E2F4: variants seen among roughly 807,000 people sequenced by gnomAD.
The protein encoded by E2F4 is E2F transcription factor 4.
In E2F4, 16 loss-of-function variants were observed where a neutral mutation model predicts 44.5. The observed-to-expected ratio is 0.36, with a 90% CI of 0.24 to 0.55. The LOEUF (loss-of-function observed/expected upper bound fraction) is 0.55, where lower values mean the gene tolerates loss of function less well. E2F4 is among the 20% of genes least tolerant of loss of function. The probability of loss-of-function intolerance (pLI) is 0.87; values close to 1 mark genes in which losing one functional copy is unlikely to be tolerated. For synonymous variants in E2F4, 242 were observed against 207.2 expected (o/e 1.17, Z -1.44); for missense variants, 473 against 522.1 (o/e 0.91, Z 0.92).
rs1246767408 is a variant in E2F4, at chr16:67,198,553, C to T, written c.*430C>T. On this transcript the variant is annotated 3_prime_UTR_variant, in exon 10 of 10. Transcript: ENST00000379378. ...CACATGCCAGCACCACTTCTAGCTT[C>T]CTTCGCTATCCCCCACCCCCTGACC... The T allele has an allele frequency of 5.1e-6, 1 of 194,726 alleles. No individual in the cohort carries two copies. Among genetic ancestry groups the T allele is most frequent in the African/African-American group, 2.3e-5 (1 of 42,614 alleles). 12.1% of individuals were successfully genotyped at this position (194,726 alleles called of 1,614,324 possible). A position where few individuals can be genotyped will look rare whatever the true frequency, so the allele number is the denominator to read the frequency against.
In E2F4 at chr16:67,195,935, G is replaced by A. The variant is rs192173988; in HGVS notation, c.962G>A (p.Ser321Asn). The part of the protein sequence containing the change: ...SSSSSSSSSN[S>N]NSSSSSGPNP... ...AGCAGCAGCAGCAGCAGCAGCAACA[G>A]TAACAGCAGCAGTTCGTCCGGACCC... The change falls in exon 7 of 10, where the codon AGT becomes AAT. Residue 321 changes from serine (S) to asparagine (N), a missense_variant. Physicochemically the swap from Ser to Asn is conservative, Grantham distance 46. Coordinates refer to ENST00000379378, the MANE Select transcript of E2F4 (RefSeq NM_001950.4). The A allele has an allele frequency of 3.1e-6, 5 of 1,613,610 alleles. No individual in the cohort carries two copies. The East Asian group carries it at 1.1e-4, about 36-fold the overall frequency.
At chr16:67,197,312 CAG>C (rs367732752) in intron 7 of E2F4, among the ~76,000 whole-genome samples, 16 of 152,252 alleles carry the variant, frequency 1.1e-4, no homozygotes, top group African/African-American at 1.4e-4. Flanking sequence ...TTCTGTCAGA[CAG>C]GGGGTGCATG....
rs1261714179 is a variant in E2F4 at position 67,192,337 on chromosome 16, A to G, written c.110A>G (p.Lys37Arg). Residue 37 changes from lysine to arginine, a missense_variant, in exon 1 of 10, where the codon AAG (lysine) becomes AGG (arginine). Lys to Arg is a conservative substitution (Grantham distance 26). Coordinates refer to ENST00000379378, the MANE Select transcript of E2F4 (RefSeq NM_001950.4). The part of the protein sequence containing the change: ...TKFVSLLQEA[K>R]DGVLDLKLAA... ...TTCGTGTCCCTTCTGCAGGAGGCCA[A>G]GGACGGCGTGCTTGACCTCAAGCTG... is the stretch of plus-strand genomic sequence containing the variant. The G allele has an allele frequency of 2.8e-6, 4 of 1,424,416 alleles. No individual in the cohort carries two copies. Among genetic ancestry groups the G allele is most frequent in the Non-Finnish European group, 3.7e-6 (4 of 1,086,998 alleles). 88.2% of individuals were successfully genotyped at this position (1,424,416 alleles called of 1,614,324 possible).
chr16:67,194,333 A>C, intron 4 of E2F4, 65 bp from the exon 5 acceptor site: 6 of 1,570,436 alleles, frequency 3.8e-6, no homozygotes, highest in Non-Finnish European at 5.2e-6. Context: ...TCCAAAAGGC[A>C]GGCACCTCTG....
chr16:67,192,726 G>T, intron 1 of E2F4, 35 bp from the exon 2 acceptor site: 2 of 1,577,142 alleles, frequency 1.3e-6, no homozygotes, highest in Non-Finnish European at 1.7e-6. Flanking sequence ...GTACACCCCA[G>T]AGTGGGGCTG....
intron 5 of E2F4, 78 bp downstream of exon 5, chr16:67,194,537 C>A: frequency 6.3e-7 from 1 of 1,591,460 alleles, no homozygotes; most frequent in East Asian, 2.2e-5. Flanking sequence ...CTGGGTGGGG[C>A]AAGTAGGGGG....
chr16:67,192,508 T>A, intron 1 of E2F4, 146 bp downstream of exon 1: 1 of 1,224,836 alleles, frequency 8.2e-7, no homozygotes, highest in Non-Finnish European at 1.1e-6. Context: ...GGGGGATGTT[T>A]CATTCATTCG....
At position 67,194,337 on chromosome 16, in the gene E2F4, A is replaced by G. The variant is rs1371692493; in HGVS notation, c.452-61A>G. 2.5e-6 allele frequency: 4 copies of G among 1,577,826 alleles called. No individual in the cohort carries two copies. The African/African-American group carries it at 5.4e-5, about 21-fold the overall frequency. On this transcript the variant is annotated intron_variant, in intron 4 of 9. Transcript: ENST00000379378. ...TCCTGCCTTGCTCCAAAAGGCAGGC[A>G]CCTCTGTTCCCAGCTCAGATTGAGC...
chr16:67,198,833 A>G lies in E2F4; in HGVS notation c.*710A>G, dbSNP rs2033021470. The G allele has an allele frequency of 2.9e-6, 1 of 347,290 alleles. No homozygotes were observed. The highest frequency in any genetic ancestry group is 5.3e-6 in the Non-Finnish European group (1 of 189,602). The allele number at this position is 347,290 out of a possible 1,614,324, so 21.5% of individuals were successfully genotyped here. ...TACAGTAACGAATGGATTCCTATAT[A>G]AAGATTATTTTTATACTTTTTGCAG... On this transcript the variant is annotated 3_prime_UTR_variant, in exon 10 of 10. Transcript: ENST00000379378.
In E2F4 at chr16:67,192,226, C is replaced by G. The variant is rs749919476; in HGVS notation, c.-2C>G. 1.2e-5 allele frequency: 14 copies of G among 1,216,958 alleles called. No individual in the cohort carries two copies. Among genetic ancestry groups the G allele is most frequent in the Non-Finnish European group, 1.4e-5 (14 of 976,288 alleles). The allele number at this position is 1,216,958 out of a possible 1,614,324, so 75.4% of individuals were successfully genotyped here. On this transcript the variant is annotated 5_prime_UTR_variant, in exon 1 of 10. Transcript: ENST00000379378. ...GCTGAGGGGAGGCGGCGGGCGGGCG[C>G]GATGGCGGAGGCCGGGCCACAGGCG...
rs757260912 is a variant in E2F4, at chr16:67,192,722, C to A, written c.136-39C>A. 4.5e-6 allele frequency: 7 copies of A among 1,569,028 alleles called. No homozygotes were observed. In the East Asian group the frequency reaches 1.4e-4, roughly 31 times the overall value. ...CGTCTCAGGGTGGCTGGGGGTACAC[C>A]CCAGAGTGGGGCTGAGCATTCTCCA... On this transcript the variant is annotated intron_variant, in intron 1 of 9. Transcript: ENST00000379378.
intron 4 of E2F4, chr16:67,193,998 C>A: frequency 4.2e-6 from 1 of 238,204 alleles, no homozygotes; most frequent in Non-Finnish European, 8.2e-6. Flanking sequence ...TGTCTTCCCT[C>A]CTCAACCCCC....
Position 67,193,002 on chromosome 16 carries a change from G to C in E2F4, c.246-7G>C. On this transcript the variant is annotated splice_polypyrimidine_tract_variant and splice_region_variant and intron_variant, in intron 2 of 9. Coordinates refer to ENST00000379378, the MANE Select transcript of E2F4 (RefSeq NM_001950.4). ...CAGTCCCTCTCAGCCCCACTCCCTG[G>C]GCTCAGGGGTGTGGGGCCTGGCTGC... The C allele has an allele frequency of 6.4e-7, 1 of 1,568,080 alleles. No homozygotes were observed. Among genetic ancestry groups the C allele is most frequent in the Non-Finnish European group, 8.7e-7 (1 of 1,155,240 alleles).
At chr16:67,197,541 G>A (rs1021072518) in intron 7 of E2F4, 58 bp from the exon 8 acceptor site, 2 of 1,584,406 alleles carry the variant, frequency 1.3e-6, no homozygotes, top group Non-Finnish European at 1.7e-6. Context: ...AAGCCAGGGG[G>A]CTGTAGTGGG....
rs537804498 is a variant in E2F4 at position 67,198,340 on chromosome 16, T to C, written c.*217T>C. The C allele has an allele frequency of 7.5e-5, 42 of 563,600 alleles. No homozygotes were observed. The Middle Eastern group carries it at 1.4e-3, about 19-fold the overall frequency. 34.9% of individuals were successfully genotyped at this position (563,600 alleles called of 1,614,324 possible). A position where few individuals can be genotyped will look rare whatever the true frequency, so the allele number is the denominator to read the frequency against. ...GAACAGGACTCAGCCCCCATCACCG[T>C]GGAGCCAAAGTGTTTGCTTCTCCCT... On this transcript the variant is annotated 3_prime_UTR_variant, in exon 10 of 10. Transcript: ENST00000379378.
rs958718277 is a variant in E2F4 at position 67,194,419 on chromosome 16, G to A, written c.473G>A (p.Arg158Gln). ...CFAGDTLLAI[R>Q]APSGTSLEVP... ...CTAGGAGATACCCTCTTGGCCATCC[G>A]GGCCCCATCAGGCACCAGCCTGGAG... Residue 158 changes from arginine to glutamine, a missense_variant, in exon 5 of 10, where the codon CGG (arginine) becomes CAG (glutamine). Coordinates refer to ENST00000379378, the MANE Select transcript of E2F4 (RefSeq NM_001950.4). The A allele has an allele frequency of 5.0e-6, 8 of 1,614,072 alleles. No individual in the cohort carries two copies. In the Admixed American group the frequency reaches 1.2e-4, roughly 24 times the overall value.
At chr16:67,196,089 A>T in intron 7 of E2F4, 83 bp downstream of exon 7, 1 of 1,581,892 alleles carries the variant, frequency 6.3e-7, no homozygotes. Flanking sequence ...TGGGGATGGA[A>T]CCCAGATCTC....
At chr16:67,195,612 C>T in intron 6 of E2F4, 170 bp from the exon 7 acceptor site, 8 of 1,392,718 alleles carry the variant, frequency 5.7e-6, no homozygotes, top group Non-Finnish European at 7.7e-6. Context: ...TCCCTGTCTC[C>T]TGTGGTGACT....
At chr16:67,197,577 G>T in intron 7 of E2F4, 22 bp from the exon 8 acceptor site, 2 of 1,614,070 alleles carry the variant, frequency 1.2e-6, no homozygotes, top group Non-Finnish European at 1.7e-6. Flanking sequence ...TGTGCCCTGA[G>T]CATGGCTTTC....
Sources: gnomAD v4.1 joint callset for allele counts (sites outside exome capture counted in the v4.1 genomes callset) on GRCh38, gnomAD v4.1.1 for gene constraint, MANE v1.5 for transcripts, NCBI Gene and HGNC (gene_info 2026-07-23, HGNC 2026-07-21) for gene names.